CEP112: variants seen among roughly 807,000 people sequenced by gnomAD.
CEP112 encodes the protein centrosomal protein 112.
Under a neutral mutation model 153.0 loss-of-function variants are expected in CEP112, and 127 were observed. The observed-to-expected ratio is 0.83, with a 90% CI of 0.72 to 0.96. The LOEUF is 0.96. Ranked by LOEUF, CEP112 falls within the 40% of genes least tolerant of loss-of-function variation. The pLI, the probability that CEP112 is intolerant of heterozygous loss-of-function variation, is 0.00. For synonymous variants in CEP112, 358 were observed against 374.4 expected (o/e 0.96, Z 0.51); for missense variants, 1,089 against 1,101.2 (o/e 0.99, Z 0.16).
intron 8 of CEP112, among the ~76,000 whole-genome samples, chr17:66,085,979 C>CAAAAAAAA (rs373315539): frequency 9.1e-6 from 1 of 110,162 alleles, no homozygotes. Flanking sequence ...GACTCCGTCT[C>CAAAAAAAA]AAAAAAAAAA....
At chr17:65,693,091 A>G (rs866038401) in intron 23 of CEP112, among the ~76,000 whole-genome samples, 2 of 152,198 alleles carry the variant, frequency 1.3e-5, no homozygotes, top group African/African-American at 4.8e-5. Context: ...TACAATAAAA[A>G]ATACTCCTTT....
intron 21 of CEP112, among the ~76,000 whole-genome samples, chr17:65,830,872 G>T (rs2057046147): frequency 6.6e-6 from 1 of 152,122 alleles, no homozygotes; most frequent in East Asian, 1.9e-4. Flanking sequence ...GAAAACAGTG[G>T]CAGGCAGTGA....
chr17:65,689,350 C>G, intron 23 of CEP112, 132 bp from the exon 24 acceptor site: 1 of 609,408 alleles, frequency 1.6e-6, no homozygotes, highest in Non-Finnish European at 2.8e-6. Context: ...TTCAGGCAAA[C>G]AATACCAGAC....
chr17:66,147,985 A>G (rs952974333), intron 4 of CEP112, among the ~76,000 whole-genome samples: 1 of 152,162 alleles, frequency 6.6e-6, no homozygotes, highest in African/African-American at 2.4e-5. Flanking sequence ...TAGCTACTCA[A>G]TGTCCCAAGT....
At chr17:66,091,705 A>C (rs985813482) in intron 8 of CEP112, among the ~76,000 whole-genome samples, 1 of 152,170 alleles carries the variant, frequency 6.6e-6, no homozygotes, top group African/African-American at 2.4e-5. Flanking sequence ...TAAATGAAAT[A>C]TAGACTAGAA....
intron 20 of CEP112, among the ~76,000 whole-genome samples, chr17:65,883,708 T>C (rs1457052890): frequency 6.6e-6 from 1 of 152,160 alleles, no homozygotes; most frequent in Admixed American, 6.5e-5. Context: ...ATGAAAGGAT[T>C]TTAAGCAGGG....
intron 8 of CEP112, among the ~76,000 whole-genome samples, chr17:66,089,138 C>T (rs2068046860): frequency 6.6e-6 from 1 of 152,140 alleles, no homozygotes; most frequent in African/African-American, 2.4e-5. Flanking sequence ...AGGAGAGAGC[C>T]CACCAATAGG....
chr17:65,642,456 T>C (rs944064207), intron 24 of CEP112, among the ~76,000 whole-genome samples: 2 of 152,140 alleles, frequency 1.3e-5, no homozygotes, highest in African/African-American at 4.8e-5. Context: ...ATTCATTTCA[T>C]TACCTACTAA....
chr17:65,909,184 AC>A (rs2060192210), intron 19 of CEP112, among the ~76,000 whole-genome samples: 1 of 152,258 alleles, frequency 6.6e-6, no homozygotes, highest in African/African-American at 2.4e-5. Flanking sequence ...AGGATGTACC[AC>A]AACACATTGA....
At chr17:65,707,107 G>T (rs913161262) in intron 23 of CEP112, among the ~76,000 whole-genome samples, 12 of 151,930 alleles carry the variant, frequency 7.9e-5, no homozygotes, top group African/African-American at 2.9e-4. Flanking sequence ...TCCCTTTTCT[G>T]GTCTCCATCC....
At chr17:65,965,507 C>A (rs1014732990) in intron 17 of CEP112, among the ~76,000 whole-genome samples, 1 of 146,910 alleles carries the variant, frequency 6.8e-6, no homozygotes, top group African/African-American at 2.5e-5. Flanking sequence ...TATTTAGAAA[C>A]CTTCTGCCCC....
chr17:65,644,353 C>T, intron 24 of CEP112: 1 of 561,584 alleles, frequency 1.8e-6, no homozygotes, highest in East Asian at 3.5e-5. Context: ...TGGTGAGAAG[C>T]CGGACAAGTT....
At chr17:65,962,085 G>C (rs1351502062) in intron 17 of CEP112, among the ~76,000 whole-genome samples, 2 of 152,160 alleles carry the variant, frequency 1.3e-5, no homozygotes, top group East Asian at 1.9e-4. Context: ...AAGTACCTTA[G>C]TAGTTGCTAG....
At chr17:65,712,324 C>T (rs2049238360) in intron 23 of CEP112, among the ~76,000 whole-genome samples, 1 of 152,140 alleles carries the variant, frequency 6.6e-6, no homozygotes, top group African/African-American at 2.4e-5. Context: ...CTATGATATA[C>T]AGAAGATGAA....
At chr17:65,936,880 G>A (rs1016508037) in intron 18 of CEP112, among the ~76,000 whole-genome samples, 16 of 145,692 alleles carry the variant, frequency 1.1e-4, no homozygotes, top group African/African-American at 4.0e-4. Context: ...AAGCTGTACT[G>A]TACTGCCACC....
At chr17:65,935,420 T>C (rs896562294) in intron 18 of CEP112, among the ~76,000 whole-genome samples, 1 of 152,120 alleles carries the variant, frequency 6.6e-6, no homozygotes, top group Non-Finnish European at 1.5e-5. Context: ...AGAGCAAATG[T>C]ACCTAAAAGA....
intron 21 of CEP112, among the ~76,000 whole-genome samples, chr17:65,800,626 C>G (rs1186210712): frequency 6.6e-6 from 1 of 152,164 alleles, no homozygotes; most frequent in Non-Finnish European, 1.5e-5. Context: ...GGTATATCCC[C>G]TAGGAGAGGA....
chr17:66,054,843 G>A (rs145626038), intron 11 of CEP112, among the ~76,000 whole-genome samples: 5,880 of 152,254 alleles, frequency 0.039, 150 homozygotes, highest in South Asian at 0.068. Flanking sequence ...TGCAACCTCC[G>A]CCTCCCAGGT....
intron 18 of CEP112, chr17:65,941,336 C>G (rs2061499507): frequency 6.6e-6 from 1 of 151,920 alleles, no homozygotes; most frequent in Non-Finnish European, 1.5e-5. Flanking sequence ...TATCTTCTAT[C>G]TAAATAATTT....
Sources: gnomAD v4.1 joint callset for allele counts (sites outside exome capture counted in the v4.1 genomes callset) on GRCh38, gnomAD v4.1.1 for gene constraint, MANE v1.5 for transcripts, NCBI Gene and HGNC (gene_info 2026-07-23, HGNC 2026-07-21) for gene names.